Variants in DLEU7 observed in about 807,000 individuals in gnomAD.
The protein encoded by DLEU7 is leukemia-associated protein 7.
In DLEU7, 17 loss-of-function variants were observed where a neutral mutation model predicts 16.0. That is an observed-to-expected ratio of 1.06 (90% CI 0.73 to 1.59). The LOEUF (loss-of-function observed/expected upper bound fraction) is 1.59, where lower values mean the gene tolerates loss of function less well. Among genes scored for constraint, DLEU7 ranks in the 40% most tolerant of loss-of-function variants. The probability of loss-of-function intolerance (pLI) is 0.00; values close to 1 mark genes in which losing one functional copy is unlikely to be tolerated. For missense variants in DLEU7, 308 were observed against 314.9 expected, an observed-to-expected ratio of 0.98 and a Z score of 0.17; for synonymous variants, 113 against 139.8, an observed-to-expected ratio of 0.81 and a Z score of 1.35.
intron 1 of DLEU7, among the ~76,000 whole-genome samples, chr13:50,738,827 T>G (rs1174486507): frequency 6.6e-6 from 1 of 152,144 alleles, no homozygotes. Flanking sequence ...TGTTGGCTAC[T>G]TAAACTCATG....
chr13:50,822,833 T>A (rs1739734058), downstream of DLEU7: 1 of 987,156 alleles, frequency 1.0e-6, no homozygotes, highest in South Asian at 4.7e-5. Flanking sequence ...ACAAAGATCG[T>A]TCTTATAAAA....
chr13:50,731,347 C>T (rs1416106181), intron 1 of DLEU7, among the ~76,000 whole-genome samples: 2 of 152,218 alleles, frequency 1.3e-5, no homozygotes, highest in African/African-American at 4.8e-5. Context: ...AACTTGTAGT[C>T]AAGGCCCTCC....
intron 1 of DLEU7, among the ~76,000 whole-genome samples, chr13:50,747,729 TG>T (rs1361020953): frequency 4.6e-5 from 7 of 152,092 alleles, no homozygotes; most frequent in African/African-American, 1.7e-4. Flanking sequence ...ACGAGAAAGA[TG>T]GGAGTTATAA....
chr13:50,767,029 A>G (rs1298898995), intron 1 of DLEU7, among the ~76,000 whole-genome samples: 1 of 152,180 alleles, frequency 6.6e-6, no homozygotes, highest in Non-Finnish European at 1.5e-5. Context: ...GCTAGTTTCC[A>G]GGGTTCTATT....
At chr13:50,769,544 A>T (rs1056994870) in intron 1 of DLEU7, among the ~76,000 whole-genome samples, 1 of 152,126 alleles carries the variant, frequency 6.6e-6, no homozygotes, top group Admixed American at 6.5e-5. Flanking sequence ...TTAAATAGGG[A>T]GTCCTTTCCC....
At chr13:50,764,189 G>T (rs670442) in intron 1 of DLEU7, among the ~76,000 whole-genome samples, 70,886 of 151,934 alleles carry the variant, frequency 0.47, 17,493 homozygotes, top group African/African-American at 0.61. Context: ...TATAATATAA[G>T]AATTCCTCCC....
chr13:50,721,547 T>G (rs1873614911), intron 1 of DLEU7, among the ~76,000 whole-genome samples: 1 of 152,192 alleles, frequency 6.6e-6, no homozygotes, highest in South Asian at 2.1e-4. Context: ...TTGTTATTTT[T>G]TGTTATATTA....
chr13:50,777,178 T>A (rs1261824898), intron 1 of DLEU7, among the ~76,000 whole-genome samples: 1 of 152,196 alleles, frequency 6.6e-6, no homozygotes, highest in Non-Finnish European at 1.5e-5. Context: ...ACTGAACTAA[T>A]AGACTTGTCA....
At chr13:50,756,469 G>A (rs1183466466) in intron 1 of DLEU7, among the ~76,000 whole-genome samples, 1 of 152,112 alleles carries the variant, frequency 6.6e-6, no homozygotes, top group Non-Finnish European at 1.5e-5. Flanking sequence ...TGCCTCTGCT[G>A]AGTCATGCAG....
intron 1 of DLEU7, among the ~76,000 whole-genome samples, chr13:50,837,804 G>A (rs1414673285): frequency 1.3e-5 from 2 of 152,150 alleles, no homozygotes; most frequent in Non-Finnish European, 2.9e-5. Flanking sequence ...AATTCGTACT[G>A]ACTGTTATTT....
intron 1 of DLEU7, among the ~76,000 whole-genome samples, chr13:50,730,215 A>C (rs748269717): frequency 5.3e-5 from 8 of 151,976 alleles, no homozygotes; most frequent in Non-Finnish European, 1.2e-4. Context: ...AAGAGGTGGA[A>C]GGGGAGGCAG....
At chr13:50,723,468 A>G (rs1158717439) in intron 1 of DLEU7, among the ~76,000 whole-genome samples, 1 of 151,986 alleles carries the variant, frequency 6.6e-6, no homozygotes, top group Non-Finnish European at 1.5e-5. Context: ...TCAGGCTTCC[A>G]TAACTAAATA....
intron 1 of DLEU7, among the ~76,000 whole-genome samples, chr13:50,767,472 A>C (rs1047859663): frequency 3.3e-5 from 5 of 151,528 alleles, no homozygotes; most frequent in Middle Eastern, 6.8e-3. Flanking sequence ...AAAAAAAAAA[A>C]AAAAAACTCC....
chr13:50,735,206 G>T (rs1176274465), intron 1 of DLEU7, among the ~76,000 whole-genome samples: 1 of 152,114 alleles, frequency 6.6e-6, no homozygotes, highest in East Asian at 1.9e-4. Flanking sequence ...CATACTCAAA[G>T]AATTTAACAT....
intron 1 of DLEU7, among the ~76,000 whole-genome samples, chr13:50,829,077 T>C (rs552788991): frequency 1.5e-4 from 23 of 152,210 alleles, no homozygotes; most frequent in Non-Finnish European, 2.6e-4. Flanking sequence ...TTTTTTGTGA[T>C]TTTTAAAAAA....
downstream of DLEU7, chr13:50,711,776 G>GGGGGGGGGT (rs1566225409): frequency 4.2e-5 from 5 of 118,886 alleles, no homozygotes; most frequent in South Asian, 3.4e-4. Flanking sequence ...CAGTGGCGGG[G>GGGGGGGGGT]GCGGGGGGCA....
At chr13:50,837,737 G>A (rs188606061) in intron 1 of DLEU7, among the ~76,000 whole-genome samples, 170 of 152,102 alleles carry the variant, frequency 1.1e-3, no homozygotes, top group African/African-American at 3.8e-3. Flanking sequence ...TGCTTTTTTC[G>A]CCAATAGGAA....
At chr13:50,800,408 A>T (rs754123421) in intron 1 of DLEU7, among the ~76,000 whole-genome samples, 7 of 152,174 alleles carry the variant, frequency 4.6e-5, no homozygotes, top group Non-Finnish European at 1.0e-4. Context: ...TTCAAAAAAT[A>T]CACTTTGTAT....
At chr13:50,779,085 GA>G (rs1476449288) in intron 1 of DLEU7, among the ~76,000 whole-genome samples, 1 of 152,172 alleles carries the variant, frequency 6.6e-6, no homozygotes, top group African/African-American at 2.4e-5. Context: ...TGTAGATTTA[GA>G]AAGTACCTCA....
Sources: gnomAD v4.1 joint callset for allele counts (sites outside exome capture counted in the v4.1 genomes callset) on GRCh38, gnomAD v4.1.1 for gene constraint, MANE v1.5 for transcripts, NCBI Gene and HGNC (gene_info 2026-07-23, HGNC 2026-07-21) for gene names.